SPAG16: variants seen among roughly 807,000 people sequenced by gnomAD.
SPAG16 encodes the protein sperm-associated antigen 16 protein.
Under a neutral mutation model 80.4 loss-of-function variants are expected in SPAG16, and 86 were observed. The observed-to-expected ratio is 1.07, with a 90% confidence interval of 0.90 to 1.28. The LOEUF is 1.28. Ranked by LOEUF, SPAG16 falls within the 50% of genes most tolerant of loss-of-function variation. The pLI is 0.00. For missense variants in SPAG16, 870 were observed against 765.3 expected, an observed-to-expected ratio of 1.14 and a Z score of -1.61; for synonymous variants, 294 against 265.9, an observed-to-expected ratio of 1.11 and a Z score of -1.03.
chr2:214,014,202 A>G lies in SPAG16; in HGVS notation c.1527+125A>G, dbSNP rs1054430064. ...GGGCATTCAGGGCAAAAGAACAGTA[A>G]AAAGTTCATAATTACAAGATCCTTT... On this transcript the variant is annotated intron_variant, in intron 13 of 15. Transcript: ENST00000331683. The G allele has an allele frequency of 5.4e-5, 64 of 1,194,050 alleles. No homozygotes were observed. The African/African-American group carries it at 9.5e-4, about 18-fold the overall frequency. The allele number at this position is 1,194,050 out of a possible 1,614,324, so 74.0% of individuals were successfully genotyped here.
intron 9 of SPAG16, among the ~76,000 whole-genome samples, chr2:213,378,896 T>C (rs928813906): frequency 2.6e-5 from 4 of 152,230 alleles, no homozygotes; most frequent in African/African-American, 9.6e-5. Flanking sequence ...GACATCCTAG[T>C]GGATCTCCTG....
Position 214,290,397 on chromosome 2 carries a change from ATTT to A in SPAG16, c.1721-119742_1721-119740del, listed in dbSNP as rs565362419. Among the ~76,000 whole-genome samples, 10 of 151,120 alleles carry A rather than the reference ATTT, an allele frequency of 6.6e-5. No homozygotes were observed. In the South Asian group the frequency reaches 2.1e-3, roughly 32 times the overall value. On this transcript the variant is annotated intron_variant, in intron 15 of 15. Transcript: ENST00000331683. ...ATTGAGCTCTGATCTGATATTTACT[ATTT>A]CTTTCCTTCTGATAATTTTGGATTT... is the stretch of plus-strand genomic sequence containing the variant.
At chr2:213,576,586 A>G (rs753584036) in intron 10 of SPAG16, among the ~76,000 whole-genome samples, 20 of 152,148 alleles carry the variant, frequency 1.3e-4, no homozygotes, top group Admixed American at 2.6e-4. Flanking sequence ...ATTTCCATCA[A>G]TGATAGACTG....
chr2:213,690,961 A>C (rs1046767334), intron 10 of SPAG16, among the ~76,000 whole-genome samples: 1 of 152,078 alleles, frequency 6.6e-6, no homozygotes, highest in South Asian at 2.1e-4. Context: ...ACAGATATAG[A>C]TATAGATATA....
At chr2:214,371,671 A>G (rs1308835198) in intron 15 of SPAG16, among the ~76,000 whole-genome samples, 1 of 141,306 alleles carries the variant, frequency 7.1e-6, no homozygotes, top group Non-Finnish European at 1.5e-5. Flanking sequence ...ATAAATATAT[A>G]GTTATAGATA....
At chr2:213,645,169 C>T (rs1002904239) in intron 10 of SPAG16, among the ~76,000 whole-genome samples, 4 of 152,198 alleles carry the variant, frequency 2.6e-5, no homozygotes, top group Non-Finnish European at 1.5e-5. Flanking sequence ...AGACTACAAG[C>T]CAATGTTTCC....
intron 10 of SPAG16, among the ~76,000 whole-genome samples, chr2:213,621,782 T>C (rs964968782): frequency 1.3e-5 from 2 of 152,228 alleles, no homozygotes; most frequent in African/African-American, 4.8e-5. Context: ...AGGTTTGATA[T>C]ATTTGTTTTC....
intron 10 of SPAG16, among the ~76,000 whole-genome samples, chr2:213,721,190 C>T (rs116330637): frequency 0.057 from 8,648 of 152,182 alleles, 531 homozygotes; most frequent in African/African-American, 0.15. Context: ...ACCTGTGCTT[C>T]CTGGGTTCAA....
chr2:213,436,656 G>C (rs1395496125), intron 9 of SPAG16, among the ~76,000 whole-genome samples: 2 of 151,756 alleles, frequency 1.3e-5, no homozygotes, highest in Non-Finnish European at 2.9e-5. Flanking sequence ...AATAAATCTT[G>C]AGAAATTAAA....
chr2:213,946,938 A>C (rs2079504588), intron 12 of SPAG16, among the ~76,000 whole-genome samples: 1 of 152,204 alleles, frequency 6.6e-6, no homozygotes, highest in Non-Finnish European at 1.5e-5. Flanking sequence ...ATATTAATAG[A>C]ATCATATAGT....
chr2:213,922,207 A>AT (rs1026463712), intron 11 of SPAG16, among the ~76,000 whole-genome samples: 1 of 151,870 alleles, frequency 6.6e-6, no homozygotes, highest in African/African-American at 2.4e-5. Flanking sequence ...TCTTTTGGAG[A>AT]TTTTGCTCCT....
intron 14 of SPAG16, among the ~76,000 whole-genome samples, chr2:214,127,652 A>C (rs2054557997): frequency 6.6e-6 from 1 of 151,916 alleles, no homozygotes; most frequent in Non-Finnish European, 1.5e-5. Flanking sequence ...TAGGAGGATT[A>C]CAAATTAGCC....
At chr2:213,822,889 C>G (rs982333765) in intron 10 of SPAG16, among the ~76,000 whole-genome samples, 4 of 152,154 alleles carry the variant, frequency 2.6e-5, no homozygotes, top group Non-Finnish European at 5.9e-5. Flanking sequence ...ATCCATGTCC[C>G]TGCAAAGGAC....
At chr2:213,940,351 A>G (rs760911093) in intron 12 of SPAG16, among the ~76,000 whole-genome samples, 1 of 152,162 alleles carries the variant, frequency 6.6e-6, no homozygotes, top group Non-Finnish European at 1.5e-5. Flanking sequence ...GAGTGGTACA[A>G]TCATAGCTCA....
chr2:213,939,050 T>C (rs2079099681), intron 12 of SPAG16, among the ~76,000 whole-genome samples: 1 of 152,110 alleles, frequency 6.6e-6, no homozygotes, highest in African/African-American at 2.4e-5. Context: ...GGAATAATCT[T>C]TGGTCTCCAC....
In SPAG16 at chr2:213,350,593, T is replaced by C. The variant is rs370071269; in HGVS notation, c.710T>C (p.Leu237Ser). 16 of 1,605,448 alleles carry C rather than the reference T, an allele frequency of 1.0e-5. No individual in the cohort carries two copies. Among genetic ancestry groups the C allele is most frequent in the African/African-American group, 8.1e-5 (6 of 74,430 alleles). ...GTGTTACATGAGAAACACCACACTT[T>C]ACTGAAGGAGAAAATGCTGACCTCC... ...IRVLHEKHHT[L>S]LKEKMLTSLE... Residue 237 changes from leucine (L) to serine (S), a missense_variant, in exon 7 of 16, where the codon TTA becomes TCA. Coordinates refer to ENST00000331683, the MANE Select transcript of SPAG16 (RefSeq NM_024532.5).
At chr2:213,308,654 G>T (rs1019651412) in intron 3 of SPAG16, among the ~76,000 whole-genome samples, 4 of 152,064 alleles carry the variant, frequency 2.6e-5, no homozygotes, top group Non-Finnish European at 5.9e-5. Context: ...TACATAGTTT[G>T]TAATGATTTG....
chr2:213,858,403 G>C (rs1190710733), intron 10 of SPAG16, among the ~76,000 whole-genome samples: 6 of 152,170 alleles, frequency 3.9e-5, no homozygotes. Context: ...CCAGCAGAAA[G>C]ATTATGACTG....
intron 10 of SPAG16, among the ~76,000 whole-genome samples, chr2:213,627,814 T>A (rs1474904070): frequency 6.6e-6 from 1 of 152,218 alleles, no homozygotes; most frequent in Non-Finnish European, 1.5e-5. Context: ...AAAAATTGCA[T>A]CTCTTGTGTT....
Sources: allele counts gnomAD v4.1 joint callset (sites outside exome capture counted in the v4.1 genomes callset), GRCh38; gene constraint gnomAD v4.1.1; transcripts MANE v1.5; gene names NCBI Gene and HGNC (gene_info 2026-07-23, HGNC 2026-07-21).